DNER: variants seen among roughly 807,000 people sequenced by gnomAD.
The protein encoded by DNER is delta and Notch-like epidermal growth factor-related receptor.
Under a neutral mutation model 78.2 loss-of-function variants are expected in DNER, and 33 were observed. The observed-to-expected ratio is 0.42, with a 90% CI of 0.32 to 0.56. DNER has a LOEUF of 0.56. Among genes scored for constraint, DNER ranks in the 20% least tolerant of loss-of-function variants. The probability of loss-of-function intolerance (pLI) is 0.11; values close to 1 mark genes in which losing one functional copy is unlikely to be tolerated. For synonymous variants in DNER, 417 were observed against 384.8 expected (o/e 1.08, Z -0.98); for missense variants, 918 against 975.3 (o/e 0.94, Z 0.78).
intron 11 of DNER, among the ~76,000 whole-genome samples, chr2:229,376,713 T>C (rs1692610235): frequency 6.6e-6 from 1 of 152,152 alleles, no homozygotes; most frequent in Admixed American, 6.6e-5. Flanking sequence ...AAAACTCTCA[T>C]TTGTACAGGA....
At position 229,459,896 on chromosome 2, in the gene DNER, G is replaced by A. The variant is rs546836005; in HGVS notation, c.1262-12356C>T. 5.9e-4 allele frequency among the ~76,000 whole-genome samples: 90 copies of A among 151,844 alleles called. 1 individual carries two copies. Among genetic ancestry groups the A allele is most frequent in the Non-Finnish European group, 9.9e-4 (67 of 67,960 alleles). ...AAAGAGGCCGGGCACGGTGGCTCACGCCTGTAATCCCAGCACTTTGGGAGG... is the reference window on the plus strand; with the variant it reads ...AAAGAGGCCGGGCACGGTGGCTCACACCTGTAATCCCAGCACTTTGGGAGG... On this transcript the variant is annotated intron_variant, in intron 7 of 12. Transcript: ENST00000341772.
intron 11 of DNER, among the ~76,000 whole-genome samples, chr2:229,369,204 C>T (rs1354465101): frequency 1.3e-5 from 2 of 150,964 alleles, no homozygotes; most frequent in Non-Finnish European, 3.0e-5. Flanking sequence ...AAAAGTTAAA[C>T]TTTCTAAAAA....
chr2:229,686,663 A>C (rs1235632761), intron 1 of DNER, among the ~76,000 whole-genome samples: 1 of 151,900 alleles, frequency 6.6e-6, no homozygotes, highest in Non-Finnish European at 1.5e-5. Context: ...CTCCAGCCTG[A>C]CTCCAGCACT....
intron 8 of DNER, among the ~76,000 whole-genome samples, chr2:229,421,628 A>AATAT (rs55973585): frequency 0.11 from 14,940 of 133,090 alleles, 813 homozygotes; most frequent in African/African-American, 0.17. Context: ...TACAACATGA[A>AATAT]ATATATATAT....
chr2:229,413,892 T>C (rs10176118), intron 9 of DNER, among the ~76,000 whole-genome samples: 42,876 of 151,806 alleles, frequency 0.28, 6,325 homozygotes, highest in South Asian at 0.36. Context: ...ACTACCTATC[T>C]AAGTTCTAAC....
chr2:229,572,802 G>C (rs1365529294), intron 4 of DNER, among the ~76,000 whole-genome samples: 1 of 152,182 alleles, frequency 6.6e-6, no homozygotes, highest in African/African-American at 2.4e-5. Context: ...CCCTCAAAAA[G>C]ATGAGTAAAC....
chr2:229,413,504 G>A (rs1201732887), intron 9 of DNER, among the ~76,000 whole-genome samples: 2 of 151,160 alleles, frequency 1.3e-5, no homozygotes, highest in African/African-American at 4.8e-5. Flanking sequence ...TGTATTTTTA[G>A]TAGAGATGGG....
intron 12 of DNER, among the ~76,000 whole-genome samples, chr2:229,362,225 T>C (rs1303863400): frequency 6.6e-6 from 1 of 152,226 alleles, no homozygotes; most frequent in Non-Finnish European, 1.5e-5. Flanking sequence ...TCATCTCATC[T>C]CATCATCATA....
chr2:229,694,207 C>T (rs892999452), intron 1 of DNER, among the ~76,000 whole-genome samples: 4 of 152,246 alleles, frequency 2.6e-5, no homozygotes, highest in Non-Finnish European at 5.9e-5. Context: ...GAACCTCCAC[C>T]TACATTTCAG....
At chr2:229,511,853 C>T (rs1283259719) in intron 6 of DNER, among the ~76,000 whole-genome samples, 1 of 152,184 alleles carries the variant, frequency 6.6e-6, no homozygotes, top group African/African-American at 2.4e-5. Flanking sequence ...AGACATATTG[C>T]GTAGCCCCAT....
chr2:229,621,824 G>A (rs780761398), intron 1 of DNER, among the ~76,000 whole-genome samples: 1 of 152,144 alleles, frequency 6.6e-6, no homozygotes, highest in Non-Finnish European at 1.5e-5. Context: ...AGTGGCTCAC[G>A]CCTGTAATCC....
At chr2:229,418,851 G>A (rs1693704490) in intron 8 of DNER, among the ~76,000 whole-genome samples, 1 of 151,952 alleles carries the variant, frequency 6.6e-6, no homozygotes, top group Non-Finnish European at 1.5e-5. Context: ...AACCTGGGAG[G>A]CAGAGGTTGC....
intron 7 of DNER, among the ~76,000 whole-genome samples, chr2:229,461,418 A>T (rs577687635): frequency 8.9e-4 from 136 of 152,014 alleles, no homozygotes; most frequent in South Asian, 2.3e-3. Context: ...TGTTTTTTTT[A>T]AAATTCCCCT....
intron 7 of DNER, among the ~76,000 whole-genome samples, chr2:229,476,301 G>A (rs964974933): frequency 6.6e-6 from 1 of 152,146 alleles, no homozygotes; most frequent in South Asian, 2.1e-4. Flanking sequence ...AAGCACTTCC[G>A]TTATCTGGGA....
chr2:229,525,293 T>C (rs1432695452), intron 5 of DNER, among the ~76,000 whole-genome samples: 2 of 152,190 alleles, frequency 1.3e-5, no homozygotes, highest in African/African-American at 4.8e-5. Context: ...TTATGTATTT[T>C]TGTGGATAGC....
chr2:229,479,467 C>T (rs760231492), intron 6 of DNER, among the ~76,000 whole-genome samples: 23 of 152,096 alleles, frequency 1.5e-4, no homozygotes, highest in Non-Finnish European at 3.1e-4. Flanking sequence ...AATCCCAGCA[C>T]TTTGGGAGGT....
Position 229,586,618 on chromosome 2 carries a change from C to G in DNER, c.681-594G>C, listed in dbSNP as rs1413353594. 5 of 983,266 alleles carry G rather than the reference C, an allele frequency of 5.1e-6. No homozygotes were observed. The African/African-American group carries it at 8.8e-5, about 17-fold the overall frequency. 60.9% of individuals were successfully genotyped at this position (983,266 alleles called of 1,614,324 possible). On this transcript the variant is annotated intron_variant, in intron 3 of 12. Coordinates refer to ENST00000341772, the MANE Select transcript of DNER (RefSeq NM_139072.4). ...CCATCAACCCCAACCCCAACCCCAG[C>G]TGCCCTCCTGCGCTTTTCTCCTCAC...
intron 1 of DNER, among the ~76,000 whole-genome samples, chr2:229,615,717 A>G (rs1393057960): frequency 6.6e-6 from 1 of 151,990 alleles, no homozygotes; most frequent in South Asian, 2.1e-4. Flanking sequence ...GTCTCAAACA[A>G]AAAAAAAGAA....
chr2:229,418,046 C>A, intron 9 of DNER, 62 bp downstream of exon 9: 1 of 1,611,652 alleles, frequency 6.2e-7, no homozygotes, highest in Non-Finnish European at 8.5e-7. Flanking sequence ...TGCATTTACA[C>A]TGAGAAATAC....
Sources: gnomAD v4.1 joint callset for allele counts (sites outside exome capture counted in the v4.1 genomes callset) on GRCh38, gnomAD v4.1.1 for gene constraint, MANE v1.5 for transcripts, NCBI Gene and HGNC (gene_info 2026-07-23, HGNC 2026-07-21) for gene names.